Variants in HMGB1 observed in about 807,000 individuals in gnomAD.
The protein encoded by HMGB1 is high mobility group protein B1.
For missense variants in HMGB1, 79 were observed against 253.5 expected (o/e 0.31, Z 4.67); for synonymous variants, 81 against 84.0 (o/e 0.96, Z 0.19).
chr13:30,493,440 G>A (rs771273320), intron 1 of HMGB1, among the ~76,000 whole-genome samples: 32 of 152,160 alleles, frequency 2.1e-4, no homozygotes, highest in Non-Finnish European at 4.4e-4. Context: ...TAAGGGAAAC[G>A]AGAAAATCTG....
chr13:30,463,451 T>A (rs1203850088), intron 2 of HMGB1, 80 bp downstream of exon 2: 2 of 1,541,608 alleles, frequency 1.3e-6, no homozygotes, highest in East Asian at 4.5e-5. Context: ...ACTACGAGAA[T>A]GCCAACTAGG....
chr13:30,616,209 CA>C (rs991955761), intron 1 of HMGB1, among the ~76,000 whole-genome samples: 3 of 152,312 alleles, frequency 2.0e-5, no homozygotes, highest in African/African-American at 7.2e-5. Flanking sequence ...AGCGAAAACA[CA>C]GAACACACTA....
At chr13:30,563,388 C>T (rs1870046178) in intron 1 of HMGB1, among the ~76,000 whole-genome samples, 3 of 152,130 alleles carry the variant, frequency 2.0e-5, no homozygotes, top group Admixed American at 6.6e-5. Context: ...GCAGGAGGAT[C>T]ACTTAACTCC....
rs1449678671 is a variant in HMGB1 at position 30,538,498 on chromosome 13, CTTT to C, written c.-14-74807_-14-74805del. On this transcript the variant is annotated intron_variant, in intron 1 of 4. Transcript: ENST00000405805. ...TCTTTCTTTCTTTCTTTCTTTCTTT[CTTT>C]CTTTCTTTCCTTTCTTTCTTTCCTT... Among the ~76,000 whole-genome samples the C allele has an allele frequency of 6.9e-4, 11 of 15,836 alleles. 1 individual carries two copies. Among genetic ancestry groups the C allele is most frequent in the Admixed American group, 1.1e-3 (1 of 934 alleles). The allele number at this position is 15,836 out of a possible 152,430, so 10.4% of individuals were successfully genotyped here. A position where few individuals can be genotyped will look rare whatever the true frequency, so the allele number is the denominator to read the frequency against.
Position 30,461,416 on chromosome 13 carries a change from C to T in HMGB1, c.589G>A (p.Glu197Lys). The stretch of plus-strand genomic sequence containing the variant: ...TCTTCTTCATCTTCCTCCTCCTCCT[C>T]ATCCTCTTCATCTTCCTCATCTTCC... The part of the protein sequence containing the change: ...EEEDEEDEED[E>K]EEEEDEEDED... Residue 197 changes from glutamate to lysine, a missense_variant, in exon 5 of 5, where the codon GAG becomes AAG. By Grantham distance (56) the Glu-to-Lys change is moderately conservative. Coordinates refer to ENST00000341423, the MANE Select transcript of HMGB1 (RefSeq NM_002128.7). 1.2e-6 allele frequency: 2 copies of T among 1,600,250 alleles called. No individual in the cohort carries two copies. The highest frequency in any genetic ancestry group is 1.7e-6 in the Non-Finnish European group (2 of 1,174,988).
chr13:30,571,360 T>C (rs547702850), intron 1 of HMGB1, among the ~76,000 whole-genome samples: 39 of 150,156 alleles, frequency 2.6e-4, no homozygotes, highest in African/African-American at 9.0e-4. Context: ...AGTGGCGCAA[T>C]CTTGGCTCAC....
intron 1 of HMGB1, among the ~76,000 whole-genome samples, chr13:30,475,471 C>T (rs1480328163): frequency 6.6e-6 from 1 of 151,168 alleles, no homozygotes; most frequent in Non-Finnish European, 1.5e-5. Context: ...TCTCAGCCTC[C>T]CAAAGTGCTG....
intron 1 of HMGB1, among the ~76,000 whole-genome samples, chr13:30,556,202 T>C (rs7338920): frequency 0.89 from 135,664 of 152,254 alleles, 60,520 homozygotes; most frequent in Middle Eastern, 0.94. Flanking sequence ...ACTGGGAGTT[T>C]GAGACCAGCC....
At position 30,572,793 on chromosome 13, in the gene HMGB1, C is replaced by T. The variant is rs148916860; in HGVS notation, c.-15+43878G>A. 4.8e-3 allele frequency among the ~76,000 whole-genome samples: 726 copies of T among 152,244 alleles called. 1 individual carries two copies. The highest frequency in any genetic ancestry group is 0.02 in the Middle Eastern group (6 of 294). On this transcript the variant is annotated intron_variant, in intron 1 of 4. Coordinates refer to the HMGB1 transcript ENST00000405805. ...TCTGAAACTTGGGATTAAAAGAGAC[C>T]GTGATTACCCTTCAGGGATTTTGGC...
intron 1 of HMGB1, among the ~76,000 whole-genome samples, chr13:30,525,858 G>T (rs1252657087): frequency 6.6e-6 from 1 of 151,336 alleles, no homozygotes; most frequent in Non-Finnish European, 1.5e-5. Flanking sequence ...TGAGATTGTG[G>T]GGGGACACAA....
chr13:30,542,827 T>C (rs1323540957), intron 1 of HMGB1: 2 of 159,694 alleles, frequency 1.3e-5, no homozygotes, highest in East Asian at 3.5e-4. Flanking sequence ...CATTTCTCAC[T>C]GTGATGCAGG....
intron 1 of HMGB1, among the ~76,000 whole-genome samples, chr13:30,565,878 C>A: frequency 6.6e-6 from 1 of 152,186 alleles, no homozygotes; most frequent in East Asian, 1.9e-4. Context: ...CAGGTTTGGG[C>A]ACTGTGGTCA....
At chr13:30,527,921 C>G (rs1888407633) in intron 1 of HMGB1, among the ~76,000 whole-genome samples, 1 of 152,146 alleles carries the variant, frequency 6.6e-6, no homozygotes, top group Non-Finnish European at 1.5e-5. Flanking sequence ...GCTGCCCTGT[C>G]TCTTTTAAAA....
chr13:30,553,846 T>C, intron 1 of HMGB1: 11 of 1,346,856 alleles, frequency 8.2e-6, no homozygotes, highest in Non-Finnish European at 1.2e-5. Flanking sequence ...CACAGTCGTG[T>C]TAAACTGCAG....
intron 1 of HMGB1, among the ~76,000 whole-genome samples, chr13:30,611,490 T>A (rs565818739): frequency 6.6e-6 from 1 of 152,324 alleles, no homozygotes; most frequent in South Asian, 2.1e-4. Context: ...TTCATCCCTA[T>A]TCCTCATCTA....
chr13:30,557,987 G>A (rs1442254146), intron 1 of HMGB1, among the ~76,000 whole-genome samples: 1 of 151,978 alleles, frequency 6.6e-6, no homozygotes, highest in Non-Finnish European at 1.5e-5. Context: ...CACATGTCTG[G>A]CATCTCTTGT....
At chr13:30,531,807 G>T (rs1228933676) in intron 1 of HMGB1, among the ~76,000 whole-genome samples, 1 of 151,702 alleles carries the variant, frequency 6.6e-6, no homozygotes, top group East Asian at 1.9e-4. Context: ...TGAAGCAGGA[G>T]AATGGCTTGA....
At chr13:30,472,828 T>C (rs930394394) in intron 1 of HMGB1, among the ~76,000 whole-genome samples, 12 of 149,170 alleles carry the variant, frequency 8.0e-5, no homozygotes, top group South Asian at 6.4e-4. Context: ...CATACAACCA[T>C]ACTAAGGATC....
chr13:30,529,949 A>G (rs1324041834), intron 1 of HMGB1, among the ~76,000 whole-genome samples: 3 of 152,232 alleles, frequency 2.0e-5, no homozygotes, highest in East Asian at 1.9e-4. Context: ...CAGAATGTGC[A>G]TAACATTTCC....
Sources: allele counts gnomAD v4.1 joint callset (sites outside exome capture counted in the v4.1 genomes callset), GRCh38; gene constraint gnomAD v4.1.1; transcripts MANE v1.5; gene names NCBI Gene and HGNC (gene_info 2026-07-23, HGNC 2026-07-21).